Variants in RTEL1 observed in about 807,000 individuals in gnomAD.
RTEL1 encodes the protein regulator of telomere elongation helicase 1, also known as regulator of telomere length.
A neutral mutation model predicts 162.2 loss-of-function variants in RTEL1; 86 were observed. The ratio of observed to expected loss-of-function variants is 0.53; its 90% CI spans 0.45 to 0.63. The LOEUF is 0.63. RTEL1 is among the 30% of genes least tolerant of loss of function. The pLI is 0.00. For missense variants in RTEL1, 1,941 were observed against 1,750.2 expected, an observed-to-expected ratio of 1.11 and a Z score of -1.95; for synonymous variants, 958 against 717.9, an observed-to-expected ratio of 1.33 and a Z score of -5.35.
Position 63,695,088 on chromosome 20 carries a change from ACAC to A in RTEL1, c.3370_3372del (p.His1124del). 6.2e-7 allele frequency: 1 copy of A among 1,612,218 alleles called. No individual in the cohort carries two copies. Among genetic ancestry groups the A allele is most frequent in the Non-Finnish European group, 8.5e-7 (1 of 1,179,810 alleles). On this transcript the variant is annotated inframe_deletion, in exon 33 of 35. Coordinates refer to ENST00000360203, the MANE Select transcript of RTEL1 (RefSeq NM_001283009.2). ...CAGGGTTCAGCATGTTTGTGCGTCCACACCACAAGCAGCGCTTCTCACAGACGT... is the reference window on the plus strand; with the variant it reads ...CAGGGTTCAGCATGTTTGTGCGTCCACACAAGCAGCGCTTCTCACAGACGT...
intron 31 of RTEL1, 78 bp downstream of exon 31, chr20:63,694,566 T>C (rs932113960): frequency 7.5e-7 from 1 of 1,325,826 alleles, no homozygotes; most frequent in African/African-American, 1.5e-5. Flanking sequence ...CTCTTGAGTG[T>C]GGCCGGGGCT....
intron 7 of RTEL1, 102 bp from the exon 8 acceptor site, chr20:63,667,367 C>CGTGCA: frequency 1.1e-6 from 1 of 906,080 alleles, no homozygotes; most frequent in Non-Finnish European, 1.9e-6. Flanking sequence ...CTGGGCCCTA[C>CGTGCA]GTGCAGGATG....
At chr20:63,677,293 A>G (rs1382371607) in intron 10 of RTEL1, among the ~76,000 whole-genome samples, 1 of 152,212 alleles carries the variant, frequency 6.6e-6, no homozygotes, top group Non-Finnish European at 1.5e-5. Context: ...AGCCATACGC[A>G]CAGGTGTGTT....
intron 15 of RTEL1, 48 bp from the exon 16 acceptor site, chr20:63,685,743 C>T (rs2090577951): frequency 6.3e-7 from 1 of 1,597,748 alleles, no homozygotes; most frequent in Non-Finnish European, 8.5e-7. Flanking sequence ...AGGGGCTGCC[C>T]CCAGGACATG....
intron 12 of RTEL1, among the ~76,000 whole-genome samples, 158 bp downstream of exon 12, chr20:63,678,504 G>A (rs966716422): frequency 1.3e-5 from 2 of 152,086 alleles, no homozygotes; most frequent in Admixed American, 1.3e-4. Flanking sequence ...TGCATGATCT[G>A]GTTGCTGAGA....
intron 26 of RTEL1, 134 bp from the exon 27 acceptor site, chr20:63,690,671 C>G: frequency 2.7e-6 from 3 of 1,106,362 alleles, no homozygotes; most frequent in Non-Finnish European, 3.8e-6. Context: ...TGAGACTCCC[C>G]CCAATAGCAG....
intron 19 of RTEL1, 33 bp downstream of exon 19, chr20:63,688,212 C>T: frequency 6.2e-7 from 1 of 1,610,440 alleles, no homozygotes; most frequent in Non-Finnish European, 8.5e-7. Flanking sequence ...CTGTGCCCAT[C>T]CTGGATCCTG....
intron 20 of RTEL1, 54 bp from the exon 21 acceptor site, chr20:63,688,474 A>C: frequency 6.2e-7 from 1 of 1,607,658 alleles, no homozygotes; most frequent in Admixed American, 1.7e-5. Flanking sequence ...GCTTGCCCTC[A>C]TCGGATCGGC....
At position 63,689,644 on chromosome 20, in the gene RTEL1, G is replaced by C; in HGVS notation, c.2021G>C (p.Gly674Ala). ...DEMKGQGGAG[G>A]QFLSGQEWYR... The stretch of plus-strand genomic sequence containing the variant: ...ATGAAGGGCCAGGGTGGGGCTGGGG[G>C]CCAGGTGAGTTACAGCAGGGTGGGG... The change falls in exon 23 of 35, where the codon GGC becomes GCC. Residue 674 changes from glycine (G) to alanine (A), a missense_variant. Coordinates refer to ENST00000360203, the MANE Select transcript of RTEL1 (RefSeq NM_001283009.2). The C allele has an allele frequency of 2.5e-6, 4 of 1,608,652 alleles. No individual in the cohort carries two copies. The highest frequency in any genetic ancestry group is 3.4e-6 in the Non-Finnish European group (4 of 1,176,888).
At position 63,694,845 on chromosome 20, in the gene RTEL1, G is replaced by T. The variant is rs752615042; in HGVS notation, c.3214G>T (p.Gly1072Trp). Residue 1072 changes from glycine to tryptophan, a missense_variant, in exon 32 of 35, where the codon GGG becomes TGG. Transcript: ENST00000360203. ...AYLADARRAL[G>W]SAGCSQLLAA... ...CCTGGCTGATGCCCGCAGGGCCCTGGGGTCCGCGGGCTGTAGCCAACTCTT... is the reference window on the plus strand; with the variant it reads ...CCTGGCTGATGCCCGCAGGGCCCTGTGGTCCGCGGGCTGTAGCCAACTCTT... 2 of 1,612,624 alleles carry T rather than the reference G, an allele frequency of 1.2e-6. No homozygotes were observed. The highest frequency in any genetic ancestry group is 1.1e-5 in the South Asian group (1 of 91,082).
At chr20:63,692,389 G>A (rs11697556) in intron 28 of RTEL1, 7,549 of 241,234 alleles carry the variant, frequency 0.031, 158 homozygotes, top group Non-Finnish European at 0.045. Context: ...ACGTTTCCGT[G>A]TTGGTCTGGG....
At position 63,694,784 on chromosome 20, in the gene RTEL1, A is replaced by G. The variant is rs2090928871; in HGVS notation, c.3153A>G (p.Arg1051=). The G allele has an allele frequency of 6.2e-7, 1 of 1,611,862 alleles. No homozygotes were observed. Reference sequence around the variant, plus strand: ...CACAGTGGGGGTCTGGAGTGCCCAGAGCAGGGAAGCAGGGCCAGCACGCCG... The same window carrying G: ...CACAGTGGGGGTCTGGAGTGCCCAGGGCAGGGAAGCAGGGCCAGCACGCCG... ...SQPQWGSGVP[R]AGKQGQHAVS... Residue 1051 remains arginine (R), a synonymous_variant, in exon 32 of 35, where the codon AGA becomes AGG. Coordinates refer to ENST00000360203, the MANE Select transcript of RTEL1 (RefSeq NM_001283009.2).
At chr20:63,686,486 T>C (rs556182902) in intron 16 of RTEL1, 1 of 152,940 alleles carries the variant, frequency 6.5e-6, no homozygotes, top group Admixed American at 6.5e-5. Flanking sequence ...AGGGTGGGGC[T>C]TCACGGCTGC....
At chr20:63,686,007 A>G in intron 16 of RTEL1, 135 bp downstream of exon 16, 1 of 751,770 alleles carries the variant, frequency 1.3e-6, no homozygotes, top group Non-Finnish European at 2.3e-6. Flanking sequence ...TATCCAGGCC[A>G]ATCCAGAGCA....
chr20:63,667,057 T>A (rs1430857243), intron 7 of RTEL1, among the ~76,000 whole-genome samples: 1 of 149,570 alleles, frequency 6.7e-6, no homozygotes, highest in Non-Finnish European at 1.5e-5. Context: ...GCCAGGATGG[T>A]CTCGATCTTC....
At position 63,691,874 on chromosome 20, in the gene RTEL1, T is replaced by C. The variant is rs146449630; in HGVS notation, c.2652+37T>C. Reference sequence around the variant, plus strand: ...GTCCCTGCACCTGTGCCGACCACCATAGACACGCATGGGAACGCAGCCGTG... The same window carrying C: ...GTCCCTGCACCTGTGCCGACCACCACAGACACGCATGGGAACGCAGCCGTG... On this transcript the variant is annotated intron_variant, in intron 28 of 34. Transcript: ENST00000360203. The C allele has an allele frequency of 6.2e-5, 96 of 1,556,976 alleles. No homozygotes were observed. The African/African-American group carries it at 9.5e-4, about 15-fold the overall frequency.
chr20:63,681,113 C>T (rs930305537), intron 14 of RTEL1: 7 of 985,308 alleles, frequency 7.1e-6, no homozygotes, highest in Non-Finnish European at 8.4e-6. Flanking sequence ...TCTCCAGGGA[C>T]AGACAAATGG....
intron 22 of RTEL1, 54 bp downstream of exon 22, chr20:63,689,186 G>C (rs1014863055): frequency 6.5e-7 from 1 of 1,536,448 alleles, no homozygotes; most frequent in African/African-American, 1.4e-5. Context: ...CCTGGTGGGT[G>C]CTTATGGCTC....
Position 63,674,056 on chromosome 20 carries a change from G to A in RTEL1, c.882G>A (p.Glu294=). 1.9e-5 allele frequency: 30 copies of A among 1,613,728 alleles called. No homozygotes were observed. The highest frequency in any genetic ancestry group is 2.5e-5 in the Non-Finnish European group (30 of 1,179,928). The change falls in exon 10 of 35, where the codon GAG becomes GAA. Residue 294 remains glutamate (E), a synonymous_variant. Transcript: ENST00000360203. ...AGACCAAGGCAGCGCAGCAGGGTGAGCCCCACCCGGAGTTCAGCGCGGACT... is the reference window on the plus strand; with the variant it reads ...AGACCAAGGCAGCGCAGCAGGGTGAACCCCACCCGGAGTTCAGCGCGGACT... ...EEQTKAAQQG[E]PHPEFSADSP... is the part of the protein sequence containing the mutation.
Sources: gnomAD v4.1 joint callset for allele counts (sites outside exome capture counted in the v4.1 genomes callset) on GRCh38, gnomAD v4.1.1 for gene constraint, MANE v1.5 for transcripts, NCBI Gene and HGNC (gene_info 2026-07-23, HGNC 2026-07-21) for gene names.